The following GTF2A1L variants were observed in gnomAD, a reference collection of about 807,000 sequenced individuals.
GTF2A1L encodes the protein general transcription factor IIA subunit 1 like.
In GTF2A1L, 48 loss-of-function variants were observed where a neutral mutation model predicts 49.7. That is an observed-to-expected ratio of 0.97 (90% CI 0.77 to 1.23). The LOEUF is 1.23. Among genes scored for constraint, GTF2A1L ranks in the 50% most tolerant of loss-of-function variants. The pLI is 0.00. For synonymous variants in GTF2A1L, 246 were observed against 193.5 expected (o/e 1.27, Z -2.25); for missense variants, 736 against 564.8 (o/e 1.30, Z -3.07).
intron 8 of GTF2A1L, among the ~76,000 whole-genome samples, chr2:48,675,013 G>A (rs888190244): frequency 6.6e-6 from 1 of 152,120 alleles, no homozygotes; most frequent in African/African-American, 2.4e-5. Context: ...AAAGGTCAAA[G>A]TGGGGTGAGG....
In GTF2A1L at chr2:48,671,514, A is replaced by T. The variant is rs1345564308; in HGVS notation, c.1240-77A>T. 4.1e-6 allele frequency: 6 copies of T among 1,467,090 alleles called. No individual in the cohort carries two copies. In the African/African-American group the frequency reaches 8.5e-5, roughly 21 times the overall value. The allele number at this position is 1,467,090 out of a possible 1,614,324, so 90.9% of individuals were successfully genotyped here. On this transcript the variant is annotated intron_variant, in intron 7 of 8. Transcript: ENST00000403751. ...CCACCACGCCGAGACAAGTTCCTTTATTTCTATATGTCTCTTTATCTTTAA... is the reference window on the plus strand; with the variant it reads ...CCACCACGCCGAGACAAGTTCCTTTTTTTCTATATGTCTCTTTATCTTTAA...
intron 8 of GTF2A1L, among the ~76,000 whole-genome samples, chr2:48,674,684 A>G (rs1679371568): frequency 6.6e-6 from 1 of 152,134 alleles, no homozygotes; most frequent in South Asian, 2.1e-4. Context: ...CTCATGCAGA[A>G]TTTTCTAGAC....
At chr2:48,638,014 C>T (rs1676998570) in intron 3 of GTF2A1L, among the ~76,000 whole-genome samples, 1 of 152,166 alleles carries the variant, frequency 6.6e-6, no homozygotes, top group Non-Finnish European at 1.5e-5. Context: ...CATACACCCT[C>T]CCAAGACTTA....
At chr2:48,657,536 C>G (rs1404497322) in intron 6 of GTF2A1L, among the ~76,000 whole-genome samples, 4 of 152,134 alleles carry the variant, frequency 2.6e-5, no homozygotes, top group African/African-American at 9.7e-5. Flanking sequence ...CATGTCTTTG[C>G]TATTGTGAAT....
At chr2:48,655,379 C>T (rs1438912540) in intron 6 of GTF2A1L, among the ~76,000 whole-genome samples, 2 of 152,066 alleles carry the variant, frequency 1.3e-5, no homozygotes, top group East Asian at 1.9e-4. Flanking sequence ...TAGAGACAGA[C>T]AGAGTCTCAC....
chr2:48,672,724 G>T (rs2104313610), intron 8 of GTF2A1L, among the ~76,000 whole-genome samples: 1 of 152,124 alleles, frequency 6.6e-6, no homozygotes. Context: ...TAGTCAAATG[G>T]GAGTTTTTGT....
chr2:48,653,995 G>A (rs189468391), intron 6 of GTF2A1L, among the ~76,000 whole-genome samples: 6 of 151,148 alleles, frequency 4.0e-5, no homozygotes, highest in Admixed American at 2.6e-4. Flanking sequence ...TAAATACCTA[G>A]GAGTGGGATT....
chr2:48,652,279 G>A (rs7601997), intron 6 of GTF2A1L, among the ~76,000 whole-genome samples: 33,255 of 151,912 alleles, frequency 0.22, 3,761 homozygotes, highest in African/African-American at 0.25. Flanking sequence ...TTTTTCAACA[G>A]AAGATCTTGT....
At chr2:48,623,326 C>T (rs75074065) in intron 3 of GTF2A1L, among the ~76,000 whole-genome samples, 3,991 of 152,214 alleles carry the variant, frequency 0.026, 153 homozygotes, top group African/African-American at 0.089. Flanking sequence ...AGTCATTTGC[C>T]TTTGTCTGTA....
In GTF2A1L at chr2:48,642,551, C is replaced by G; in HGVS notation, c.303+94C>G. On this transcript the variant is annotated intron_variant, in intron 4 of 8. Coordinates refer to ENST00000403751, the MANE Select transcript of GTF2A1L (RefSeq NM_006872.5). ...GAACATAGATGTAATTTCTTACCCT[C>G]CAGTTGAAAGTGAAAAGATGTGGCC... is the stretch of plus-strand genomic sequence containing the variant. The G allele has an allele frequency of 3.2e-6, 4 of 1,236,266 alleles. No homozygotes were observed. The South Asian group carries it at 7.5e-5, about 23-fold the overall frequency. The allele number at this position is 1,236,266 out of a possible 1,614,324, so 76.6% of individuals were successfully genotyped here.
Position 48,671,649 on chromosome 2 carries a change from C to A in GTF2A1L, c.1298C>A (p.Thr433Lys). Residue 433 changes from threonine to lysine, a missense_variant, in exon 8 of 9, where the codon ACG becomes AAG. Thr to Lys is a moderately conservative substitution (Grantham distance 78). Coordinates refer to ENST00000403751, the MANE Select transcript of GTF2A1L (RefSeq NM_006872.5). ...SEQDVPDLFDTDNVIVCQYDK... is the reference protein window; with the variant it reads ...SEQDVPDLFDKDNVIVCQYDK... ...CAGGATGTGCCAGACCTGTTTGACA[C>A]GGATAATGTTATTGTCTGTCAGTAT... is the stretch of plus-strand genomic sequence containing the variant. 1 of 1,613,436 alleles carries A rather than the reference C, an allele frequency of 6.2e-7. No individual in the cohort carries two copies.
rs143690843 is a variant in GTF2A1L, at chr2:48,649,644, G to A, written c.978+2602G>A. 4.2e-3 allele frequency among the ~76,000 whole-genome samples: 638 copies of A among 152,270 alleles called. 10 individuals carry two copies. The highest frequency in any genetic ancestry group is 0.015 in the African/African-American group (617 of 41,552). The stretch of plus-strand genomic sequence containing the variant: ...GTGCTCAGCAGCACACTGGCACCGT[G>A]GTAAATGCTCAGTGCATGTTAGCAC... On this transcript the variant is annotated intron_variant, in intron 6 of 8. Coordinates refer to ENST00000403751, the MANE Select transcript of GTF2A1L (RefSeq NM_006872.5).
At chr2:48,670,831 TA>T (rs1348727040) in intron 7 of GTF2A1L, among the ~76,000 whole-genome samples, 1 of 152,098 alleles carries the variant, frequency 6.6e-6, no homozygotes, top group African/African-American at 2.4e-5. Flanking sequence ...TTTATTTATT[TA>T]TTTATTTTTG....
chr2:48,648,446 T>A (rs556753012), intron 6 of GTF2A1L, among the ~76,000 whole-genome samples: 1 of 152,094 alleles, frequency 6.6e-6, no homozygotes, highest in Non-Finnish European at 1.5e-5. Flanking sequence ...ATGTATTGTA[T>A]GTCATCATGT....
chr2:48,629,625 G>T lies in GTF2A1L; in HGVS notation c.247+8335G>T, dbSNP rs758565064. 1.3e-4 allele frequency among the ~76,000 whole-genome samples: 19 copies of T among 144,136 alleles called. 4 individuals are homozygous for T. Among genetic ancestry groups the T allele is most frequent in the Non-Finnish European group, 2.7e-4 (17 of 63,992 alleles). The allele number at this position is 144,136 out of a possible 152,430, so 94.6% of individuals were successfully genotyped here. ...ATACAGTTAGATAGATGTGAAGGGA[G>T]TATATGCGGTGAGAAAGGGAAGGAC... is the stretch of plus-strand genomic sequence containing the variant. On this transcript the variant is annotated intron_variant, in intron 3 of 8. Transcript: ENST00000403751.
rs148943401 is a variant in GTF2A1L, at chr2:48,669,828, G to T, written c.1085G>T (p.Gly362Val). Reference sequence around the variant, plus strand: ...GATACATCTTCCAATGAAGAAATAGGAAGTACAAGAGATGCAGATGAGAAT... The same window carrying T: ...GATACATCTTCCAATGAAGAAATAGTAAGTACAAGAGATGCAGATGAGAAT... ...SGDTSSNEEIGSTRDADENEF... is the reference protein window; with the variant it reads ...SGDTSSNEEIVSTRDADENEF... The change falls in exon 7 of 9, where the codon GGA becomes GTA. Residue 362 changes from glycine to valine, a missense_variant. Gly to Val is a moderately radical substitution (Grantham distance 109). Transcript: ENST00000403751. 16 of 1,613,902 alleles carry T rather than the reference G, an allele frequency of 9.9e-6. No homozygotes were observed. Among genetic ancestry groups the T allele is most frequent in the Non-Finnish European group, 1.4e-5 (16 of 1,179,990 alleles).
chr2:48,648,022 T>G (rs1028407268), intron 6 of GTF2A1L, among the ~76,000 whole-genome samples: 3 of 152,134 alleles, frequency 2.0e-5, no homozygotes, highest in Non-Finnish European at 1.5e-5. Context: ...CTTAATATTT[T>G]ATCTTCATGA....
At chr2:48,635,378 G>A (rs1459460282) in intron 3 of GTF2A1L, among the ~76,000 whole-genome samples, 1 of 152,140 alleles carries the variant, frequency 6.6e-6, no homozygotes, top group Non-Finnish European at 1.5e-5. Context: ...GTCCATGAAA[G>A]ATGAGTGGCT....
chr2:48,646,255 A>G (rs1677499812), intron 5 of GTF2A1L, among the ~76,000 whole-genome samples, 198 bp from the exon 6 acceptor site: 1 of 152,064 alleles, frequency 6.6e-6, no homozygotes, highest in African/African-American at 2.4e-5. Flanking sequence ...AATTAAAAAA[A>G]TAAGAATTTA....
Sources: allele counts gnomAD v4.1 joint callset (sites outside exome capture counted in the v4.1 genomes callset), GRCh38; gene constraint gnomAD v4.1.1; transcripts MANE v1.5; gene names NCBI Gene and HGNC (gene_info 2026-07-23, HGNC 2026-07-21).